Variants in KNG1 observed in about 807,000 individuals in gnomAD.
KNG1 encodes kininogen-1.
Under a neutral mutation model 47.8 loss-of-function variants are expected in KNG1, and 23 were observed. The ratio of observed to expected loss-of-function variants is 0.48; its 90% CI spans 0.35 to 0.68. The LOEUF is 0.68. Ranked by LOEUF, KNG1 falls within the 30% of genes least tolerant of loss-of-function variation. The probability of loss-of-function intolerance (pLI) is 0.01; values close to 1 mark genes in which losing one functional copy is unlikely to be tolerated. For missense variants in KNG1, 762 were observed against 790.2 expected, an observed-to-expected ratio of 0.96 and a Z score of 0.43; for synonymous variants, 277 against 277.0, an observed-to-expected ratio of 1.00 and a Z score of 0.00.
intron 1 of KNG1, 163 bp downstream of exon 1, chr3:186,717,900 ACCACCACCACCACCAT>A: frequency 6.1e-6 from 1 of 164,148 alleles, no homozygotes; most frequent in Non-Finnish European, 1.1e-5. Context: ...ACCACCACCC[ACCACCACCACCACCAT>A]CCACCACCAC....
chr3:186,726,274 C>CTTTTTTTTTTTTTTTTTTTT (rs774226752), intron 4 of KNG1, among the ~76,000 whole-genome samples: 4 of 113,734 alleles, frequency 3.5e-5, no homozygotes, highest in African/African-American at 3.1e-5. Flanking sequence ...GACTTTTCTT[C>CTTTTTTTTTTTTTTTTTTTT]TTTTTTTTTT....
intron 9 of KNG1, among the ~76,000 whole-genome samples, chr3:186,740,897 G>A (rs929773080): frequency 6.6e-6 from 1 of 151,942 alleles, no homozygotes; most frequent in African/African-American, 2.4e-5. Flanking sequence ...AGATTAGCTA[G>A]TTCAACCATC....
rs569401658 is a variant in KNG1, at chr3:186,734,005, A to G, written c.930+1331A>G. Among the ~76,000 whole-genome samples, 13 of 152,302 alleles carry G rather than the reference A, an allele frequency of 8.5e-5. No individual in the cohort carries two copies. The South Asian group carries it at 1.9e-3, about 22-fold the overall frequency. On this transcript the variant is annotated intron_variant, in intron 7 of 9. Coordinates refer to ENST00000644859, the MANE Select transcript of KNG1 (RefSeq NM_001102416.3). ...AGAGCCTACATGTCTAGCAACTCCAATAGTCTCTGACTGATGTCATTATGG... is the reference window on the plus strand; with the variant it reads ...AGAGCCTACATGTCTAGCAACTCCAGTAGTCTCTGACTGATGTCATTATGG...
intron 1 of KNG1, among the ~76,000 whole-genome samples, chr3:186,719,029 G>A (rs1038310616): frequency 2.1e-4 from 32 of 151,910 alleles, no homozygotes; most frequent in Non-Finnish European, 1.2e-4. Flanking sequence ...TGACAACATG[G>A]GGATAAAGGA....
At chr3:186,731,803 T>G (rs1720541065) in intron 6 of KNG1, among the ~76,000 whole-genome samples, 174 bp downstream of exon 6, 1 of 152,214 alleles carries the variant, frequency 6.6e-6, no homozygotes, top group Non-Finnish European at 1.5e-5. Context: ...GCTGCCCAGT[T>G]GTGCTGCAGC....
intron 2 of KNG1, among the ~76,000 whole-genome samples, chr3:186,721,014 C>A (rs1490899817): frequency 6.6e-6 from 1 of 152,048 alleles, no homozygotes; most frequent in African/African-American, 2.4e-5. Flanking sequence ...TGGTCTCAAT[C>A]TCCTGACCTG....
rs5030015 is a variant in KNG1, at chr3:186,725,183, G to C, written c.487G>C (p.Gly163Arg). 6.2e-7 allele frequency: 1 copy of C among 1,614,036 alleles called. No individual in the cohort carries two copies. Among genetic ancestry groups the C allele is most frequent in the Non-Finnish European group, 8.5e-7 (1 of 1,180,006 alleles). ...SPDLEPILRH[G>R]IQYFNNNTQH... ...AGACCTGGAGCCCATTCTGAGACAC[G>C]GCATTCAGTACTTTAACAACAACAC... Residue 163 changes from glycine to arginine, a missense_variant, in exon 4 of 10, where the codon GGC (glycine) becomes CGC (arginine). Gly to Arg is a moderately radical substitution (Grantham distance 125). Transcript: ENST00000644859.
Position 186,739,095 on chromosome 3 carries a change from T to C in KNG1, c.931-4T>C, listed in dbSNP as rs755636340. On this transcript the variant is annotated splice_region_variant and splice_polypyrimidine_tract_variant and intron_variant, in intron 7 of 9. Transcript: ENST00000644859. ...CGTTTACTTTGTACTAATTAATTTT[T>C]CAGGTGGTGGCTGGCAAGAAATATT... The C allele has an allele frequency of 5.6e-6, 9 of 1,609,154 alleles. No individual in the cohort carries two copies. The African/African-American group carries it at 1.1e-4, about 19-fold the overall frequency.
intron 6 of KNG1, among the ~76,000 whole-genome samples, chr3:186,731,838 T>G (rs993348635): frequency 6.6e-6 from 1 of 152,210 alleles, no homozygotes; most frequent in African/African-American, 2.4e-5. Flanking sequence ...TCAGAATGGT[T>G]TATGAAGACA....
chr3:186,742,373 A>T lies in KNG1; in HGVS notation c.*42A>T. ...TATTTCTTTCATACTTTATTAAAGT[A>T]TCAATATCCCTCTCTCCATTGTCCA... On this transcript the variant is annotated 3_prime_UTR_variant, in exon 10 of 10. Transcript: ENST00000644859. The T allele has an allele frequency of 6.2e-7, 1 of 1,609,470 alleles. No homozygotes were observed. The highest frequency in any genetic ancestry group is 1.1e-5 in the South Asian group (1 of 90,898).
At chr3:186,720,443 G>A in intron 2 of KNG1, 1 of 563,530 alleles carries the variant, frequency 1.8e-6, no homozygotes, top group South Asian at 2.0e-5. Flanking sequence ...ATGAGAAGGG[G>A]GCTCTAGTGT....
At chr3:186,730,613 G>A (rs1285996536) in intron 5 of KNG1, among the ~76,000 whole-genome samples, 12 of 135,082 alleles carry the variant, frequency 8.9e-5, no homozygotes, top group East Asian at 4.8e-4. Context: ...CTGAGATTGC[G>A]CCACTGCACT....
At chr3:186,717,916 TCCACCACCAC>T (rs1720043687) in intron 1 of KNG1, 179 bp downstream of exon 1, 2 of 318,456 alleles carry the variant, frequency 6.3e-6, no homozygotes, top group East Asian at 5.6e-5. Context: ...ACCACCACCA[TCCACCACCAC>T]CCACCACCCA....
In KNG1 at chr3:186,725,090, G is replaced by A. The variant is rs779764784; in HGVS notation, c.394G>A (p.Glu132Lys). 18 of 1,613,928 alleles carry A rather than the reference G, an allele frequency of 1.1e-5. No individual in the cohort carries two copies. The highest frequency in any genetic ancestry group is 2.2e-5 in the East Asian group (1 of 44,876). The change falls in exon 4 of 10, where the codon GAG becomes AAG. Residue 132 changes from glutamate (E) to lysine (K), a missense_variant and splice_region_variant. Glu to Lys is a moderately conservative substitution (Grantham distance 56, BLOSUM62 1). Transcript: ENST00000644859. ...GTTTTTGTCTGCTCTTTGTTAAGCCGAGGGCCCTGTGGTGACAGCCCAGTA... is the reference window on the plus strand; with the variant it reads ...GTTTTTGTCTGCTCTTTGTTAAGCCAAGGGCCCTGTGGTGACAGCCCAGTA... The part of the protein sequence containing the change: ...ATQTCQITPA[E>K]GPVVTAQYDC...
rs2062632 is a variant in KNG1, at chr3:186,743,392, T to C, written c.*1061T>C. ...CATTGATTTTTGAGAAGCAGAATAATAGGATTGCCTTTCATTGCCCTATAG... is the reference window on the plus strand; with the variant it reads ...CATTGATTTTTGAGAAGCAGAATAACAGGATTGCCTTTCATTGCCCTATAG... On this transcript the variant is annotated 3_prime_UTR_variant, in exon 10 of 10. Transcript: ENST00000644859. 0.2 allele frequency: 63,430 copies of C among 322,296 alleles called. 6,737 individuals carry two copies. The highest frequency in any genetic ancestry group is 0.22 in the Non-Finnish European group (36,770 of 169,438). The allele number at this position is 322,296 out of a possible 1,614,324, so 20.0% of individuals were successfully genotyped here.
chr3:186,730,260 A>T (rs937879531), intron 5 of KNG1, among the ~76,000 whole-genome samples: 3 of 151,618 alleles, frequency 2.0e-5, no homozygotes, highest in Non-Finnish European at 2.9e-5. Flanking sequence ...ATTTTTAGAG[A>T]TTATTTTTTC....
At chr3:186,731,911 T>C (rs1232301935) in intron 6 of KNG1, among the ~76,000 whole-genome samples, 1 of 152,234 alleles carries the variant, frequency 6.6e-6, no homozygotes. Flanking sequence ...CTGGTCTCTC[T>C]TCTCTGTAAG....
Position 186,719,597 on chromosome 3 carries a change from A to C in KNG1, c.196-508A>C, listed in dbSNP as rs182665559. Among the ~76,000 whole-genome samples, 350 of 152,096 alleles carry C rather than the reference A, an allele frequency of 2.3e-3. 3 individuals carry two copies. The highest frequency in any genetic ancestry group is 2.7e-3 in the South Asian group (13 of 4,820). ...ACAAAAAAGTAGCCAGGCGTGGTGG[A>C]GGGCGCCTGTAGTCCCAGCTACTCT... On this transcript the variant is annotated intron_variant, in intron 1 of 9. Transcript: ENST00000644859.
At chr3:186,733,626 G>T (rs190777818) in intron 7 of KNG1, among the ~76,000 whole-genome samples, 1 of 152,216 alleles carries the variant, frequency 6.6e-6, no homozygotes, top group East Asian at 1.9e-4. Context: ...TCATTCAAAC[G>T]TTCTAAGCCT....
Sources: gnomAD v4.1 joint callset for allele counts (sites outside exome capture counted in the v4.1 genomes callset) on GRCh38, gnomAD v4.1.1 for gene constraint, MANE v1.5 for transcripts, NCBI Gene and HGNC (gene_info 2026-07-23, HGNC 2026-07-21) for gene names.